The following CXXC4 variants were observed in gnomAD, a reference collection of about 807,000 sequenced individuals.
The protein encoded by CXXC4 is CXXC finger protein 4.
Under a neutral mutation model 20.5 loss-of-function variants are expected in CXXC4, and 5 were observed. That is an observed-to-expected ratio of 0.24 (90% CI 0.13 to 0.51). The LOEUF is 0.51. Among genes scored for constraint, CXXC4 ranks in the 20% least tolerant of loss-of-function variants. The pLI is 0.97. For synonymous variants in CXXC4, 250 were observed against 216.4 expected (o/e 1.16, Z -1.36); for missense variants, 419 against 496.4 (o/e 0.84, Z 1.48).
intron 1 of CXXC4, among the ~76,000 whole-genome samples, chr4:104,492,278 C>A (rs189392764): frequency 7.4e-5 from 11 of 149,208 alleles, no homozygotes; most frequent in Non-Finnish European, 1.5e-4. Flanking sequence ...GCTCCTCCCC[C>A]CTATTCTTAT....
Position 104,491,387 on chromosome 4 carries a change from G to A in CXXC4, c.416C>T (p.Ser139Phe). ...GGGGGGRKSSSAAASSSASSS... is the reference protein window; with the variant it reads ...GGGGGGRKSSFAAASSSASSS... ...GGAGGCGGAGGAGGAGGCGGCGGCG[G>A]AGGAGGATTTCCTGCCGCCCCCACC... The change falls in exon 2 of 3, where the codon TCC (serine) becomes TTC (phenylalanine). Residue 139 changes from serine to phenylalanine, a missense_variant. This residue lies in a region of CXXC4 where 388 missense variants were observed against 416.0 expected (regional missense o/e 0.93). Transcript: ENST00000394767. 7.6e-7 allele frequency: 1 copy of A among 1,319,000 alleles called. No individual in the cohort carries two copies. The highest frequency in any genetic ancestry group is 9.7e-7 in the Non-Finnish European group (1 of 1,030,490). 81.7% of individuals were successfully genotyped at this position (1,319,000 alleles called of 1,614,324 possible). A position where few individuals can be genotyped will look rare whatever the true frequency, so the allele number is the denominator to read the frequency against.
At chr4:104,485,887 G>C (rs1464268752) in intron 2 of CXXC4, among the ~76,000 whole-genome samples, 2 of 151,946 alleles carry the variant, frequency 1.3e-5, no homozygotes, top group African/African-American at 2.4e-5. Flanking sequence ...AGATGACTGA[G>C]ACTAAACAAA....
chr4:104,482,963 C>G (rs923841757), intron 2 of CXXC4, among the ~76,000 whole-genome samples: 1 of 152,002 alleles, frequency 6.6e-6, no homozygotes, highest in African/African-American at 2.4e-5. Flanking sequence ...TAGTCTGACA[C>G]TTTACTTTCT....
rs760972986 is a variant in CXXC4 at position 104,491,551 on chromosome 4, G to A, written c.252C>T (p.Ile84=). The A allele has an allele frequency of 3.3e-6, 5 of 1,496,976 alleles. No homozygotes were observed. Among genetic ancestry groups the A allele is most frequent in the Non-Finnish European group, 4.5e-6 (5 of 1,121,392 alleles). The allele number at this position is 1,496,976 out of a possible 1,614,324, so 92.7% of individuals were successfully genotyped here. A position where few individuals can be genotyped will look rare whatever the true frequency, so the allele number is the denominator to read the frequency against. ...TGTCGCAGTTCCAGGGGGACATGCC[G>A]ATGCGCGCGGCGGCCGCGGCGGCGG... ...SAAAAAAAAR[I]GMSPWNCDNA... is the part of the protein sequence containing the mutation. The change falls in exon 2 of 3, where the codon ATC becomes ATT. Residue 84 remains isoleucine, a synonymous_variant. Transcript: ENST00000394767.
At chr4:104,489,291 A>G (rs1220843147) in intron 2 of CXXC4, among the ~76,000 whole-genome samples, 1 of 152,176 alleles carries the variant, frequency 6.6e-6, no homozygotes, top group Admixed American at 6.5e-5. Flanking sequence ...CATAATTCTG[A>G]TATTTTTAGA....
At chr4:104,479,806 C>CGTCCT (rs1736508846) in intron 2 of CXXC4, among the ~76,000 whole-genome samples, 1 of 144,836 alleles carries the variant, frequency 6.9e-6, no homozygotes, top group African/African-American at 2.5e-5. Context: ...TCCGTCCTTC[C>CGTCCT]GTCCTTCCTT....
chr4:104,482,054 A>T (rs1736570712), intron 2 of CXXC4, among the ~76,000 whole-genome samples: 1 of 152,212 alleles, frequency 6.6e-6, no homozygotes, highest in African/African-American at 2.4e-5. Flanking sequence ...GCACATACAT[A>T]CACATACATT....
In CXXC4 at chr4:104,490,756, G is replaced by A. The variant is rs537647474; in HGVS notation, c.1047C>T (p.Gly349=). ...CATCTCCTCTGACCTCTAGTGAAGT[G>A]CCAGGTTTTTTCTTTAGCTCTTCAC... ...RKCEELKKKP[G]TSLERTPVPS... The change falls in exon 2 of 3, where the codon GGC becomes GGT. Residue 349 remains glycine, a synonymous_variant. Transcript: ENST00000394767. 6.2e-7 allele frequency: 1 copy of A among 1,613,122 alleles called. No homozygotes were observed. Among genetic ancestry groups the A allele is most frequent in the Non-Finnish European group, 8.5e-7 (1 of 1,179,500 alleles).
rs934612364 is a variant in CXXC4 at position 104,491,025 on chromosome 4, G to A, written c.778C>T (p.Pro260Ser). The A allele has an allele frequency of 8.1e-6, 13 of 1,613,958 alleles. No individual in the cohort carries two copies. Among genetic ancestry groups the A allele is most frequent in the Non-Finnish European group, 1.1e-5 (13 of 1,180,030 alleles). Residue 260 changes from proline to serine, a missense_variant, in exon 2 of 3, where the codon CCC becomes TCC. This residue lies in a region of CXXC4 where 388 missense variants were observed against 416.0 expected (regional missense o/e 0.93). Coordinates refer to ENST00000394767, the MANE Select transcript of CXXC4 (RefSeq NM_025212.4). ...GVIVMTALHS[P>S]AAASAAVTDS... ...GTGACGGCTGCTGAGGCTGCTGCGGGGGAGTGAAGGGCTGTCATGACGATG... is the reference window on the plus strand; with the variant it reads ...GTGACGGCTGCTGAGGCTGCTGCGGAGGAGTGAAGGGCTGTCATGACGATG...
chr4:104,473,405 A>G (rs1239428296), intron 2 of CXXC4, among the ~76,000 whole-genome samples: 1 of 151,934 alleles, frequency 6.6e-6, no homozygotes, highest in Non-Finnish European at 1.5e-5. Flanking sequence ...AATCATTTTA[A>G]CAAAAAGCTT....
chr4:104,478,857 T>C (rs1578316823), intron 2 of CXXC4, among the ~76,000 whole-genome samples: 1 of 152,026 alleles, frequency 6.6e-6, no homozygotes, highest in African/African-American at 2.4e-5. Context: ...ATTGGGTTAA[T>C]AAAATCAATA....
Position 104,470,538 on chromosome 4 carries a change from T to A in CXXC4, c.*1784A>T, listed in dbSNP as rs928038068. 2.6e-5 allele frequency: 4 copies of A among 152,206 alleles called. No individual in the cohort carries two copies. The highest frequency in any genetic ancestry group is 5.9e-5 in the Non-Finnish European group (4 of 67,974). The allele number at this position is 152,206 out of a possible 1,614,324, so 9.4% of individuals were successfully genotyped here. The stretch of plus-strand genomic sequence containing the variant: ...AAAAAATCTTTTCTGTCCTATCGTA[T>A]CCCATTGAAATCTACAACTAAATTT... On this transcript the variant is annotated 3_prime_UTR_variant, in exon 3 of 3. Transcript: ENST00000394767.
chr4:104,482,399 C>T lies in CXXC4; in HGVS notation c.1059+8345G>A, dbSNP rs532977091. 2.6e-5 allele frequency among the ~76,000 whole-genome samples: 4 copies of T among 152,254 alleles called. No homozygotes were observed. The East Asian group carries it at 7.7e-4, about 29-fold the overall frequency. ...CTTTCGATGGAAATAAGCCAAAGTT[C>T]TCTCTTCTTTTTCACGGACTAAAGG... is the stretch of plus-strand genomic sequence containing the variant. On this transcript the variant is annotated intron_variant, in intron 2 of 2. Transcript: ENST00000394767.
Position 104,478,759 on chromosome 4 carries a change from T to A in CXXC4, c.1060-6393A>T, listed in dbSNP as rs149516101. On this transcript the variant is annotated intron_variant, in intron 2 of 2. Transcript: ENST00000394767. ...ATAATTCACAAATTTAAAAGGTATT[T>A]ATCAAAGCAATGTTATATACTTAAC... Among the ~76,000 whole-genome samples the A allele has an allele frequency of 3.6e-4, 55 of 152,206 alleles. No homozygotes were observed. The Middle Eastern group carries it at 0.014, about 38-fold the overall frequency.
intron 1 of CXXC4, among the ~76,000 whole-genome samples, chr4:104,493,289 GTTTC>G (rs987387726): frequency 2.0e-5 from 3 of 152,092 alleles, no homozygotes; most frequent in Non-Finnish European, 4.4e-5. Flanking sequence ...TAAAAAACCA[GTTTC>G]TTTGTTTCCA....
chr4:104,482,757 G>T (rs1202360426), intron 2 of CXXC4, among the ~76,000 whole-genome samples: 2 of 151,976 alleles, frequency 1.3e-5, no homozygotes, highest in Non-Finnish European at 2.9e-5. Flanking sequence ...TGTGGCATTT[G>T]CCAGATTTGC....
In CXXC4 at chr4:104,490,529, ACTCT is replaced by A. The variant is rs34737316; in HGVS notation, c.1059+211_1059+214del. 7.6e-3 allele frequency among the ~76,000 whole-genome samples: 1,163 copies of A among 152,220 alleles called. 13 individuals are homozygous for A. Among genetic ancestry groups the A allele is most frequent in the African/African-American group, 0.027 (1,113 of 41,530 alleles). Reference sequence around the variant, plus strand: ...TTCCCCCAGGGATAAAAAGGAGGGCACTCTCTCTATCAGAAGGGCGGTGTCACGT... The same window carrying A: ...TTCCCCCAGGGATAAAAAGGAGGGCACTCTATCAGAAGGGCGGTGTCACGT... On this transcript the variant is annotated intron_variant, in intron 2 of 2. Transcript: ENST00000394767.
intron 2 of CXXC4, among the ~76,000 whole-genome samples, chr4:104,477,248 C>T (rs181851555): frequency 3.9e-4 from 59 of 152,052 alleles, no homozygotes; most frequent in Non-Finnish European, 6.8e-4. Context: ...TAGAAATTTC[C>T]GGATTAACAA....
chr4:104,492,075 T>A lies in CXXC4; in HGVS notation c.-257-16A>T. On this transcript the variant is annotated splice_polypyrimidine_tract_variant and intron_variant, in intron 1 of 2. Transcript: ENST00000394767. ...ACTGTTACAACTAAAATAAAGAAAG[T>A]CATTCCAACGAGCTGCACGAGGAAA... 1 of 305,046 alleles carries A rather than the reference T, an allele frequency of 3.3e-6. No homozygotes were observed. The highest frequency in any genetic ancestry group is 6.0e-6 in the Non-Finnish European group (1 of 165,950). 18.9% of individuals were successfully genotyped at this position (305,046 alleles called of 1,614,324 possible).
Sources: gnomAD v4.1 joint callset for allele counts (sites outside exome capture counted in the v4.1 genomes callset) on GRCh38, gnomAD v4.1.1 for gene constraint, gnomAD v4.1.1 regional missense constraint, MANE v1.5 for transcripts, NCBI Gene and HGNC (gene_info 2026-07-23, HGNC 2026-07-21) for gene names.